The following AP1S3 variants were observed in gnomAD, a reference collection of about 807,000 sequenced individuals.
AP1S3 encodes the protein adaptor related protein complex 1 subunit sigma 3, also known as AP-1 complex subunit sigma-3.
AP1S3 carries 10 observed loss-of-function variants against 20.9 expected under a neutral mutation model. That is an observed-to-expected ratio of 0.48 (90% CI 0.29 to 0.81). The LOEUF (loss-of-function observed/expected upper bound fraction) is 0.81, where lower values mean the gene tolerates loss of function less well. Ranked by LOEUF, AP1S3 falls within the 30% of genes least tolerant of loss-of-function variation. AP1S3 has a pLI of 0.08. For synonymous variants in AP1S3, 41 were observed against 61.5 expected, an observed-to-expected ratio of 0.67 and a Z score of 1.56; for missense variants, 154 against 183.8, an observed-to-expected ratio of 0.84 and a Z score of 0.94.
intron 1 of AP1S3, among the ~76,000 whole-genome samples, chr2:223,780,547 C>T (rs1690920613): frequency 6.6e-6 from 1 of 151,242 alleles, no homozygotes; most frequent in South Asian, 2.1e-4. Context: ...CCACCTTGGC[C>T]TCCCAAAGTT....
intron 1 of AP1S3, among the ~76,000 whole-genome samples, chr2:223,812,676 T>C (rs959923272): frequency 6.6e-6 from 1 of 152,108 alleles, no homozygotes; most frequent in African/African-American, 2.4e-5. Flanking sequence ...AAGAATAAAA[T>C]GTAAAATTTG....
At chr2:223,794,515 C>T (rs1691290279) in intron 1 of AP1S3, among the ~76,000 whole-genome samples, 1 of 152,184 alleles carries the variant, frequency 6.6e-6, no homozygotes, top group African/African-American at 2.4e-5. Flanking sequence ...TCAACTAGCA[C>T]TTGTATTTGC....
rs536673405 is a variant in AP1S3 at position 223,833,681 on chromosome 2, C to T, written c.3+3767G>A. Among the ~76,000 whole-genome samples the T allele has an allele frequency of 5.9e-5, 9 of 152,296 alleles. No homozygotes were observed. In the East Asian group the frequency reaches 1.7e-3, roughly 29 times the overall value. On this transcript the variant is annotated intron_variant, in intron 1 of 4. Coordinates refer to ENST00000396654, the MANE Select transcript of AP1S3 (RefSeq NM_001039569.2). ...CAGGGAGTTACACAGTGAGCCTCAA[C>T]AAAGGTCTCAGAGCAGCTGGGCACT...
rs116064047 is a variant in AP1S3, at chr2:223,820,876, C to A, written c.3+16572G>T. ...CCAATCTGCTTTGCAAACCCTGAAA[C>A]ACACCTTGCTGGAACCAGTCTCACT... On this transcript the variant is annotated intron_variant, in intron 1 of 4. Coordinates refer to ENST00000396654, the MANE Select transcript of AP1S3 (RefSeq NM_001039569.2). Among the ~76,000 whole-genome samples, 911 of 152,230 alleles carry A rather than the reference C, an allele frequency of 6.0e-3. 10 individuals are homozygous for A. The highest frequency in any genetic ancestry group is 0.021 in the African/African-American group (859 of 41,534).
chr2:223,811,174 C>A (rs1015049227), intron 1 of AP1S3, among the ~76,000 whole-genome samples: 1 of 151,566 alleles, frequency 6.6e-6, no homozygotes, highest in African/African-American at 2.4e-5. Flanking sequence ...CTCACTGCAA[C>A]CTCTGCCCGC....
At chr2:223,777,116 C>G (rs1213267959) in intron 2 of AP1S3, among the ~76,000 whole-genome samples, 1 of 151,914 alleles carries the variant, frequency 6.6e-6, no homozygotes, top group Non-Finnish European at 1.5e-5. Context: ...CCAGGAATGG[C>G]CGGACATGAT....
In AP1S3 at chr2:223,835,631, G is replaced by A. The variant is rs568410764; in HGVS notation, c.3+1817C>T. ...GATCATGCCACTGCACTTCAGCCTG[G>A]GTGACAGAGCAAGATTCCGTCTCGA... On this transcript the variant is annotated intron_variant, in intron 1 of 4. Transcript: ENST00000396654. 5.9e-5 allele frequency among the ~76,000 whole-genome samples: 9 copies of A among 152,196 alleles called. No individual in the cohort carries two copies. In the South Asian group the frequency reaches 1.0e-3, roughly 18 times the overall value.
intron 1 of AP1S3, among the ~76,000 whole-genome samples, chr2:223,786,553 A>G (rs556290379): frequency 6.6e-6 from 1 of 152,152 alleles, no homozygotes; most frequent in South Asian, 2.1e-4. Flanking sequence ...CAGGAATTCA[A>G]GACTAGCCTG....
In AP1S3 at chr2:223,755,956, T is replaced by C; in HGVS notation, c.*2759A>G. ...ATTTGAATGAGGTTCAAGAGATACC[T>C]TTATCCAAATATGGTGACAAATTTC... On this transcript the variant is annotated 3_prime_UTR_variant, in exon 5 of 5. Transcript: ENST00000396654. 5.1e-6 allele frequency: 5 copies of C among 985,464 alleles called. No individual in the cohort carries two copies. The highest frequency in any genetic ancestry group is 6.0e-6 in the Non-Finnish European group (5 of 829,936). The allele number at this position is 985,464 out of a possible 1,614,324, so 61.0% of individuals were successfully genotyped here.
At chr2:223,786,972 T>C (rs1271509679) in intron 1 of AP1S3, among the ~76,000 whole-genome samples, 1 of 152,150 alleles carries the variant, frequency 6.6e-6, no homozygotes, top group Admixed American at 6.6e-5. Context: ...TGTCAAATTG[T>C]AATCCCCAGT....
chr2:223,756,414 GGAGA>G lies in AP1S3; in HGVS notation c.*2297_*2300del. 1 of 550,756 alleles carries G rather than the reference GGAGA, an allele frequency of 1.8e-6. No homozygotes were observed. Among genetic ancestry groups the G allele is most frequent in the Non-Finnish European group, 2.2e-6 (1 of 450,222 alleles). The allele number at this position is 550,756 out of a possible 1,614,324, so 34.1% of individuals were successfully genotyped here. A position where few individuals can be genotyped will look rare whatever the true frequency, so the allele number is the denominator to read the frequency against. ...GAAGGGAAGGAAGGAAGGGAGGGAA[GGAGA>G]GAGAGAGAAGAAGGAAGGAAGAAAG... On this transcript the variant is annotated 3_prime_UTR_variant, in exon 5 of 5. Transcript: ENST00000396654.
chr2:223,801,108 T>TA (rs2106110780), intron 1 of AP1S3, among the ~76,000 whole-genome samples: 1 of 152,308 alleles, frequency 6.6e-6, no homozygotes, highest in East Asian at 1.9e-4. Flanking sequence ...GACCTATGTA[T>TA]AACAGTCGAT....
At chr2:223,810,935 CCTT>C (rs1284738973) in intron 1 of AP1S3, among the ~76,000 whole-genome samples, 1 of 151,628 alleles carries the variant, frequency 6.6e-6, no homozygotes, top group African/African-American at 2.4e-5. Flanking sequence ...AATTTTGGCT[CCTT>C]TTTTTAATTT....
At chr2:223,761,806 T>G (rs1005893395) in intron 4 of AP1S3, among the ~76,000 whole-genome samples, 1 of 152,132 alleles carries the variant, frequency 6.6e-6, no homozygotes, top group African/African-American at 2.4e-5. Context: ...TAAGCAGTCT[T>G]CCTGCCTGGG....
chr2:223,774,945 A>T (rs1223673661), intron 3 of AP1S3, among the ~76,000 whole-genome samples: 1 of 151,102 alleles, frequency 6.6e-6, no homozygotes, highest in Non-Finnish European at 1.5e-5. Context: ...ACACAGAGTT[A>T]GGAAGAGATG....
intron 1 of AP1S3, among the ~76,000 whole-genome samples, chr2:223,828,702 GAC>G (rs146483433): frequency 0.022 from 3,344 of 152,248 alleles, 116 homozygotes; most frequent in African/African-American, 0.076. Flanking sequence ...CTGAGGCCCA[GAC>G]CCATGGCTGG....
chr2:223,798,861 C>T (rs1000142955), intron 1 of AP1S3, among the ~76,000 whole-genome samples: 2 of 152,296 alleles, frequency 1.3e-5, no homozygotes, highest in Non-Finnish European at 2.9e-5. Flanking sequence ...CACCTGAGGT[C>T]CGGAGTTTGA....
intron 1 of AP1S3, among the ~76,000 whole-genome samples, chr2:223,791,254 C>T (rs1691211125): frequency 6.6e-6 from 1 of 152,178 alleles, no homozygotes; most frequent in Non-Finnish European, 1.5e-5. Flanking sequence ...AGGACAATAT[C>T]CTCGATGAAC....
chr2:223,776,197 G>A lies in AP1S3; in HGVS notation c.183-188C>T, dbSNP rs1245361193. ...CAGAATATATGAAAATTCTGTGGGG[G>A]TTGGATTACTTCCATTAATTACGCA... On this transcript the variant is annotated intron_variant, in intron 2 of 4. Coordinates refer to ENST00000396654, the MANE Select transcript of AP1S3 (RefSeq NM_001039569.2). 5 of 686,820 alleles carry A rather than the reference G, an allele frequency of 7.3e-6. No individual in the cohort carries two copies. In the East Asian group the frequency reaches 8.6e-5, roughly 12 times the overall value. The allele number at this position is 686,820 out of a possible 1,614,324, so 42.5% of individuals were successfully genotyped here.
Sources: gnomAD v4.1 joint callset for allele counts (sites outside exome capture counted in the v4.1 genomes callset) on GRCh38, gnomAD v4.1.1 for gene constraint, MANE v1.5 for transcripts, NCBI Gene and HGNC (gene_info 2026-07-23, HGNC 2026-07-21) for gene names.